SCUBE1: variants seen among roughly 807,000 people sequenced by gnomAD.
SCUBE1 encodes the protein signal peptide, CUB and EGF-like domain-containing protein 1.
Under a neutral mutation model 124.4 loss-of-function variants are expected in SCUBE1, and 59 were observed. The ratio of observed to expected loss-of-function variants is 0.47; its 90% CI spans 0.38 to 0.59. SCUBE1 has a LOEUF of 0.59. Ranked by LOEUF, SCUBE1 falls within the 20% of genes least tolerant of loss-of-function variation. SCUBE1 has a pLI of 0.00. For synonymous variants in SCUBE1, 545 were observed against 550.9 expected (o/e 0.99, Z 0.15); for missense variants, 1,150 against 1,371.2 (o/e 0.84, Z 2.55).
chr22:43,198,914 T>C lies in SCUBE1; in HGVS notation c.*5083A>G, dbSNP rs572448505. The C allele has an allele frequency of 2.4e-4, 89 of 374,984 alleles. No individual in the cohort carries two copies. Among genetic ancestry groups the C allele is most frequent in the African/African-American group, 1.8e-3 (85 of 47,290 alleles). 23.2% of individuals were successfully genotyped at this position (374,984 alleles called of 1,614,324 possible). A position where few individuals can be genotyped will look rare whatever the true frequency, so the allele number is the denominator to read the frequency against. On this transcript the variant is annotated 3_prime_UTR_variant, in exon 22 of 22. Coordinates refer to ENST00000360835, the MANE Select transcript of SCUBE1 (RefSeq NM_173050.5). ...TCTGCTTTCCGGGGCAGTTTGTCTG[T>C]CTGCTGTCTGGGGCAGTTTGTCTGT...
chr22:43,277,237 A>G (rs1271260243), intron 4 of SCUBE1, among the ~76,000 whole-genome samples: 1 of 152,108 alleles, frequency 6.6e-6, no homozygotes, highest in African/African-American at 2.4e-5. Flanking sequence ...GAAGTTCACT[A>G]TGGCTGGTTC....
At chr22:43,331,698 G>A (rs984830680) in intron 2 of SCUBE1, among the ~76,000 whole-genome samples, 2 of 152,188 alleles carry the variant, frequency 1.3e-5, no homozygotes, top group South Asian at 4.1e-4. Flanking sequence ...AGGCAATTAA[G>A]GTTAAATGAG....
intron 3 of SCUBE1, among the ~76,000 whole-genome samples, chr22:43,300,600 G>T (rs778299446): frequency 3.3e-5 from 5 of 152,074 alleles, no homozygotes; most frequent in Non-Finnish European, 7.4e-5. Context: ...GTCTTGAGTT[G>T]TAAGAGTTCT....
chr22:43,331,746 C>T (rs1470673569), intron 2 of SCUBE1, among the ~76,000 whole-genome samples: 1 of 152,178 alleles, frequency 6.6e-6, no homozygotes, highest in Non-Finnish European at 1.5e-5. Context: ...CCCTTCCTCA[C>T]CCCCAGCCTG....
chr22:43,245,016 T>C (rs906293970), intron 6 of SCUBE1, among the ~76,000 whole-genome samples: 1 of 152,174 alleles, frequency 6.6e-6, no homozygotes, highest in Non-Finnish European at 1.5e-5. Flanking sequence ...CCTCTGACCA[T>C]CTTCCCACAG....
In SCUBE1 at chr22:43,343,233, A is replaced by C; in HGVS notation, c.29T>G (p.Leu10Trp). MGAAAVRWHLCVLLALGTRG... is the reference protein window; with the variant it reads MGAAAVRWHWCVLLALGTRG... ...TGTGCCCAGGGCCAGCAGCACGCACAAGTGCCAGCGCACGGCCGCCGCGCC... is the reference window on the plus strand; with the variant it reads ...TGTGCCCAGGGCCAGCAGCACGCACCAGTGCCAGCGCACGGCCGCCGCGCC... The change falls in exon 1 of 22, where the codon TTG (leucine) becomes TGG (tryptophan). Residue 10 changes from leucine (L) to tryptophan (W), a missense_variant. Coordinates refer to ENST00000360835, the MANE Select transcript of SCUBE1 (RefSeq NM_173050.5). 1 of 1,203,472 alleles carries C rather than the reference A, an allele frequency of 8.3e-7. No individual in the cohort carries two copies. Among genetic ancestry groups the C allele is most frequent in the Non-Finnish European group, 1.0e-6 (1 of 963,742 alleles). The allele number at this position is 1,203,472 out of a possible 1,614,324, so 74.5% of individuals were successfully genotyped here.
intron 3 of SCUBE1, among the ~76,000 whole-genome samples, chr22:43,295,460 C>T (rs1925521640): frequency 6.6e-6 from 1 of 152,234 alleles, no homozygotes; most frequent in Non-Finnish European, 1.5e-5. Flanking sequence ...TGGGATGGCA[C>T]AGTTTGTGCT....
At chr22:43,269,548 C>T (rs1601843572) in intron 4 of SCUBE1, among the ~76,000 whole-genome samples, 1 of 152,282 alleles carries the variant, frequency 6.6e-6, no homozygotes, top group East Asian at 1.9e-4. Flanking sequence ...TTTTCTGCAT[C>T]CATGTCCCTT....
In SCUBE1 at chr22:43,210,356, C is replaced by T. The variant is rs189766332; in HGVS notation, c.2384-116G>A. The stretch of plus-strand genomic sequence containing the variant: ...CAGGGCTGGAAGGTGCTCTTGTCCC[C>T]CCCCACACTAGCCCTCGGACCCTGA... On this transcript the variant is annotated intron_variant, in intron 18 of 21. Transcript: ENST00000360835. The surrounding 1 kb of genome is among the most constrained non-coding windows in gnomAD (Gnocchi z 4.5). The T allele has an allele frequency of 2.0e-5, 17 of 854,270 alleles. No individual in the cohort carries two copies. The Admixed American group carries it at 3.7e-4, about 19-fold the overall frequency. The allele number at this position is 854,270 out of a possible 1,614,324, so 52.9% of individuals were successfully genotyped here. A position where few individuals can be genotyped will look rare whatever the true frequency, so the allele number is the denominator to read the frequency against.
chr22:43,246,348 G>A (rs1486781067), intron 6 of SCUBE1, among the ~76,000 whole-genome samples: 2 of 152,178 alleles, frequency 1.3e-5, no homozygotes, highest in African/African-American at 4.8e-5. Flanking sequence ...GTTGAGATGC[G>A]GTAAGGGGAA....
chr22:43,204,439 T>C (rs1921135739), intron 21 of SCUBE1, among the ~76,000 whole-genome samples: 1 of 151,842 alleles, frequency 6.6e-6, no homozygotes, highest in Admixed American at 6.6e-5. Flanking sequence ...GCTGGGATTA[T>C]AGGCATGCAC....
At position 43,210,901 on chromosome 22, in the gene SCUBE1, C is replaced by T. The variant is rs376869722; in HGVS notation, c.2383+21G>A. ...CCCCTCCCGTGTTCCCAGCTTCCCA[C>T]GGCAGAGCAGCAGCACCCACTTTTG... is the stretch of plus-strand genomic sequence containing the variant. On this transcript the variant is annotated intron_variant, in intron 18 of 21. Transcript: ENST00000360835. This position sits in a 1 kb window ranked among gnomAD's most constrained non-coding sequence, Gnocchi z 4.5. The T allele has an allele frequency of 2.4e-5, 38 of 1,613,284 alleles. No individual in the cohort carries two copies. The Middle Eastern group carries it at 8.2e-4, about 35-fold the overall frequency.
At position 43,210,377 on chromosome 22, in the gene SCUBE1, C is replaced by A. The variant is rs1206447804; in HGVS notation, c.2384-137G>T. On this transcript the variant is annotated intron_variant, in intron 18 of 21. Transcript: ENST00000360835. The surrounding 1 kb of genome is among the most constrained non-coding windows in gnomAD (Gnocchi z 4.5). ...TCCCCCCCCACACTAGCCCTCGGAC[C>A]CTGAGCCCATCCTCCTTGGGGACCC... The A allele has an allele frequency of 2.8e-6, 2 of 706,086 alleles. No individual in the cohort carries two copies. Among genetic ancestry groups the A allele is most frequent in the Non-Finnish European group, 4.3e-6 (2 of 463,446 alleles). The allele number at this position is 706,086 out of a possible 1,614,324, so 43.7% of individuals were successfully genotyped here.
At chr22:43,303,010 C>A (rs1331498813) in intron 3 of SCUBE1, among the ~76,000 whole-genome samples, 1 of 152,200 alleles carries the variant, frequency 6.6e-6, no homozygotes, top group Non-Finnish European at 1.5e-5. Context: ...CCCGGAGCTC[C>A]CACGACACCC....
intron 3 of SCUBE1, among the ~76,000 whole-genome samples, chr22:43,302,507 C>T (rs763269): frequency 0.6 from 91,624 of 152,028 alleles, 31,322 homozygotes; most frequent in Middle Eastern, 0.81. Flanking sequence ...GCGGCTGGGG[C>T]CCCTGCTCAG....
chr22:43,294,519 T>C (rs1480407441), intron 3 of SCUBE1, among the ~76,000 whole-genome samples: 3 of 152,144 alleles, frequency 2.0e-5, no homozygotes, highest in African/African-American at 7.2e-5. Flanking sequence ...CACCGCCCCA[T>C]GGTCCCCCAG....
chr22:43,245,895 G>T (rs1923191411), intron 6 of SCUBE1, among the ~76,000 whole-genome samples: 1 of 152,190 alleles, frequency 6.6e-6, no homozygotes, highest in African/African-American at 2.4e-5. Flanking sequence ...CTAGGAGTGT[G>T]GCAAGCCACC....
chr22:43,205,158 G>C (rs947832478), intron 21 of SCUBE1, among the ~76,000 whole-genome samples: 1 of 152,142 alleles, frequency 6.6e-6, no homozygotes, highest in East Asian at 1.9e-4. Flanking sequence ...GAGAGGTCAC[G>C]ATGCCTCTTC....
At chr22:43,285,158 G>A (rs986373255) in intron 4 of SCUBE1, among the ~76,000 whole-genome samples, 2 of 152,088 alleles carry the variant, frequency 1.3e-5, no homozygotes, top group African/African-American at 4.8e-5. Context: ...CCCAAATGGG[G>A]GCTCTCATCA....
Sources: gnomAD v4.1 joint callset for allele counts (sites outside exome capture counted in the v4.1 genomes callset) on GRCh38, gnomAD v4.1.1 for gene constraint, Gnocchi (gnomAD v3.1) non-coding constraint, MANE v1.5 for transcripts, NCBI Gene and HGNC (gene_info 2026-07-23, HGNC 2026-07-21) for gene names.